The following PLCB4 variants were observed in gnomAD, a reference collection of about 807,000 sequenced individuals.
PLCB4 encodes 1-phosphatidylinositol 4,5-bisphosphate phosphodiesterase beta-4.
PLCB4 carries 77 observed loss-of-function variants against 178.8 expected under a neutral mutation model. The observed-to-expected ratio is 0.43, with a 90% CI of 0.36 to 0.52. The LOEUF is 0.52. Among genes scored for constraint, PLCB4 ranks in the 20% least tolerant of loss-of-function variants. The probability of loss-of-function intolerance (pLI) is 0.00; values close to 1 mark genes in which losing one functional copy is unlikely to be tolerated. For synonymous variants in PLCB4, 496 were observed against 490.8 expected (o/e 1.01, Z -0.14); for missense variants, 1,024 against 1,453.4 (o/e 0.70, Z 4.80).
At chr20:9,313,105 T>A (rs1266080862) in intron 4 of PLCB4, among the ~76,000 whole-genome samples, 3 of 152,208 alleles carry the variant, frequency 2.0e-5, no homozygotes, top group African/African-American at 7.2e-5. Flanking sequence ...ATTTTTAAGC[T>A]TGAGATAATT....
chr20:9,444,928 C>T (rs1361548809), intron 32 of PLCB4, among the ~76,000 whole-genome samples: 1 of 152,184 alleles, frequency 6.6e-6, no homozygotes, highest in African/African-American at 2.4e-5. Flanking sequence ...ACCTCCCACT[C>T]ACAGCACCTA....
At position 9,290,248 on chromosome 20, in the gene PLCB4, C is replaced by T. The variant is rs546039503; in HGVS notation, c.-15-17552C>T. Among the ~76,000 whole-genome samples, 13 of 151,894 alleles carry T rather than the reference C, an allele frequency of 8.6e-5. No individual in the cohort carries two copies. In the South Asian group the frequency reaches 1.3e-3, roughly 15 times the overall value. ...AATTTTTGTAACTGTTCATTAGTAC[C>T]GACACTTGGGAAAACCAAGGATTTG... On this transcript the variant is annotated intron_variant, in intron 3 of 39. Transcript: ENST00000378473.
intron 3 of PLCB4, among the ~76,000 whole-genome samples, chr20:9,291,602 G>A (rs1209202052): frequency 1.3e-5 from 2 of 152,030 alleles, no homozygotes; most frequent in East Asian, 3.9e-4. Context: ...CCCAAACCTC[G>A]AATTCCATGT....
chr20:9,257,705 G>A (rs1359343510), intron 3 of PLCB4, among the ~76,000 whole-genome samples: 2 of 152,068 alleles, frequency 1.3e-5, no homozygotes, highest in African/African-American at 2.4e-5. Context: ...TTTTGGCTTC[G>A]AGATCTTTCA....
intron 3 of PLCB4, among the ~76,000 whole-genome samples, chr20:9,233,241 C>T (rs991950709): frequency 6.6e-5 from 10 of 151,882 alleles, no homozygotes; most frequent in East Asian, 1.9e-4. Flanking sequence ...TTTATGTTTC[C>T]GTCCTCATTA....
At chr20:9,387,000 T>C (rs1602290608) in intron 14 of PLCB4, among the ~76,000 whole-genome samples, 1 of 151,690 alleles carries the variant, frequency 6.6e-6, no homozygotes, top group East Asian at 1.9e-4. Context: ...CAAGCAATTC[T>C]CATGCCTTAG....
rs398035325 is a variant in PLCB4, at chr20:9,273,675, AGTGTGT to A, written c.-15-34086_-15-34081del. Among the ~76,000 whole-genome samples the A allele has an allele frequency of 1.2e-3, 168 of 135,926 alleles. No homozygotes were observed. In the East Asian group the frequency reaches 0.016, roughly 13 times the overall value. 89.2% of individuals were successfully genotyped at this position (135,926 alleles called of 152,430 possible). On this transcript the variant is annotated intron_variant, in intron 3 of 39. Transcript: ENST00000378473. ...AATACAGACTGGTTATTATGGTTGC[AGTGTGT>A]GTGTGTGTGTGTGTGTGTGTGTGTG...
chr20:9,150,309 T>C (rs1413766581), intron 2 of PLCB4, among the ~76,000 whole-genome samples: 1 of 152,216 alleles, frequency 6.6e-6, no homozygotes, highest in Non-Finnish European at 1.5e-5. Context: ...GTGTAGCTAT[T>C]CTGAGAGTTT....
intron 2 of PLCB4, among the ~76,000 whole-genome samples, chr20:9,145,429 C>A (rs943197158): frequency 6.6e-6 from 1 of 151,912 alleles, no homozygotes; most frequent in Non-Finnish European, 1.5e-5. Flanking sequence ...GACAAGTGCT[C>A]TCACATCAAA....
chr20:9,454,966 T>A (rs2042971054), intron 33 of PLCB4, among the ~76,000 whole-genome samples: 1 of 152,224 alleles, frequency 6.6e-6, no homozygotes, highest in Non-Finnish European at 1.5e-5. Flanking sequence ...AACATTTTGA[T>A]CTGTATTTTA....
At chr20:9,072,187 T>C (rs2089608502) in intron 1 of PLCB4, among the ~76,000 whole-genome samples, 1 of 152,184 alleles carries the variant, frequency 6.6e-6, no homozygotes, top group African/African-American at 2.4e-5. Flanking sequence ...GTGGTTTTGC[T>C]GTTGGTTTTC....
At chr20:9,245,542 G>A (rs1229510772) in intron 3 of PLCB4, among the ~76,000 whole-genome samples, 1 of 152,156 alleles carries the variant, frequency 6.6e-6, no homozygotes, top group African/African-American at 2.4e-5. Flanking sequence ...CCACAAAGAG[G>A]AGAGGGTGAT....
chr20:9,367,232 T>G (rs2035862807), intron 9 of PLCB4, among the ~76,000 whole-genome samples: 1 of 152,186 alleles, frequency 6.6e-6, no homozygotes, highest in South Asian at 2.1e-4. Context: ...ATCGAGAAAA[T>G]GTAAAGCACA....
At chr20:9,285,185 G>C (rs2094526879) in intron 3 of PLCB4, among the ~76,000 whole-genome samples, 1 of 150,948 alleles carries the variant, frequency 6.6e-6, no homozygotes, top group South Asian at 2.1e-4. Flanking sequence ...AAACAATTTA[G>C]AAATTTTTAG....
intron 2 of PLCB4, among the ~76,000 whole-genome samples, chr20:9,178,042 G>A (rs1163627673): frequency 7.9e-5 from 12 of 152,178 alleles, no homozygotes; most frequent in Non-Finnish European, 1.5e-4. Flanking sequence ...ATTTTGGCCA[G>A]GCCAGGTGGT....
chr20:9,155,317 A>G lies in PLCB4; in HGVS notation c.-79+58975A>G, dbSNP rs779965690. On this transcript the variant is annotated intron_variant, in intron 2 of 39. Coordinates refer to ENST00000378473, the MANE Select transcript of PLCB4 (RefSeq NM_001377142.1). ...ATGGCTGAATAGTATTCCATGGTGT[A>G]TATGTACCACATTTTCTTTATCCAT... Among the ~76,000 whole-genome samples the G allele has an allele frequency of 1.3e-5, 2 of 152,116 alleles. 1 individual carries two copies.
intron 2 of PLCB4, among the ~76,000 whole-genome samples, chr20:9,118,087 A>T (rs2091840077): frequency 6.6e-6 from 1 of 152,150 alleles, no homozygotes. Context: ...CATCCTACAA[A>T]CATTAAAAGA....
At chr20:9,204,391 C>G (rs528902293) in intron 2 of PLCB4, among the ~76,000 whole-genome samples, 1 of 152,094 alleles carries the variant, frequency 6.6e-6, no homozygotes, top group East Asian at 1.9e-4. Context: ...TCGAGTCTTG[C>G]TCTGTTGACC....
intron 3 of PLCB4, among the ~76,000 whole-genome samples, chr20:9,253,573 T>A (rs534731449): frequency 6.6e-6 from 1 of 152,324 alleles, no homozygotes; most frequent in African/African-American, 2.4e-5. Context: ...CTTGCACACT[T>A]CCAGTCTTTG....
Sources: allele counts gnomAD v4.1 joint callset (sites outside exome capture counted in the v4.1 genomes callset), GRCh38; gene constraint gnomAD v4.1.1; transcripts MANE v1.5; gene names NCBI Gene and HGNC (gene_info 2026-07-23, HGNC 2026-07-21).